The following MAP4K3 variants were observed in gnomAD, a reference collection of about 807,000 sequenced individuals.
The protein encoded by MAP4K3 is mitogen-activated protein kinase kinase kinase kinase 3.
In MAP4K3, 94 loss-of-function variants were observed where a neutral mutation model predicts 143.5. The observed-to-expected ratio is 0.65, with a 90% CI of 0.55 to 0.78. MAP4K3 has a LOEUF of 0.78. MAP4K3 is among the 30% of genes least tolerant of loss of function. The pLI is 0.00. For synonymous variants in MAP4K3, 416 were observed against 347.2 expected, an observed-to-expected ratio of 1.20 and a Z score of -2.20; for missense variants, 1,077 against 1,068.1, an observed-to-expected ratio of 1.01 and a Z score of -0.12.
At chr2:39,381,076 T>C (rs1666344765) in intron 1 of MAP4K3, among the ~76,000 whole-genome samples, 1 of 152,204 alleles carries the variant, frequency 6.6e-6, no homozygotes, top group South Asian at 2.1e-4. Flanking sequence ...TAACACATGG[T>C]CCTTTGTGAC....
intron 2 of MAP4K3, among the ~76,000 whole-genome samples, chr2:39,374,146 C>T (rs1427515215): frequency 6.6e-6 from 1 of 152,112 alleles, no homozygotes; most frequent in African/African-American, 2.4e-5. Context: ...CTTTGGGAGG[C>T]CCAGGCAGGC....
In MAP4K3 at chr2:39,288,206, G is replaced by C. The variant is rs1186646039; in HGVS notation, c.1389C>G (p.Pro463=). The change falls in exon 20 of 34, where the codon CCC becomes CCG. Residue 463 remains proline (P), a synonymous_variant. Transcript: ENST00000263881. ...DENQGTIKRC[P]MSGSPAKPSQ... Reference sequence around the variant, plus strand: ...ATGGCTTTGCTGGGCTCCCTGACATGGGACATCTCTTGATTGTTCCTTGAT... The same window carrying C: ...ATGGCTTTGCTGGGCTCCCTGACATCGGACATCTCTTGATTGTTCCTTGAT... 6.2e-7 allele frequency: 1 copy of C among 1,613,972 alleles called. No homozygotes were observed. The highest frequency in any genetic ancestry group is 2.2e-5 in the East Asian group (1 of 44,872).
chr2:39,314,671 G>A (rs1465297914), intron 13 of MAP4K3, among the ~76,000 whole-genome samples: 2 of 152,138 alleles, frequency 1.3e-5, no homozygotes, highest in African/African-American at 4.8e-5. Context: ...GATTCTTGTT[G>A]GCAGTTTATC....
intron 31 of MAP4K3, 69 bp from the exon 32 acceptor site, chr2:39,254,589 C>T: frequency 8.9e-7 from 1 of 1,118,594 alleles, no homozygotes; most frequent in Non-Finnish European, 1.3e-6. Flanking sequence ...TCATTTCATC[C>T]CTCTATCTCA....
chr2:39,284,230 C>T (rs1157282965), intron 21 of MAP4K3, among the ~76,000 whole-genome samples: 1 of 151,976 alleles, frequency 6.6e-6, no homozygotes, highest in Non-Finnish European at 1.5e-5. Flanking sequence ...GGCACGATAT[C>T]GGGTCACTGC....
intron 21 of MAP4K3, among the ~76,000 whole-genome samples, chr2:39,286,213 C>T (rs539232355): frequency 6.6e-6 from 1 of 152,324 alleles, no homozygotes; most frequent in East Asian, 1.9e-4. Flanking sequence ...GTGTAAGCAG[C>T]GTGCAACCTA....
At chr2:39,412,983 T>C (rs908580970) in intron 1 of MAP4K3, among the ~76,000 whole-genome samples, 1 of 152,228 alleles carries the variant, frequency 6.6e-6, no homozygotes, top group Admixed American at 6.5e-5. Flanking sequence ...AGATTTCTTG[T>C]ATTTTCTAAT....
chr2:39,408,722 A>T (rs972418306), intron 1 of MAP4K3, among the ~76,000 whole-genome samples: 1 of 151,968 alleles, frequency 6.6e-6, no homozygotes, highest in African/African-American at 2.4e-5. Flanking sequence ...GAGCTAACAG[A>T]TACCAAACCA....
At chr2:39,390,669 C>T (rs1011582042) in intron 1 of MAP4K3, among the ~76,000 whole-genome samples, 1 of 151,738 alleles carries the variant, frequency 6.6e-6, no homozygotes, top group African/African-American at 2.4e-5. Flanking sequence ...AATTCATGTA[C>T]GTATATCATT....
At position 39,392,403 on chromosome 2, in the gene MAP4K3, C is replaced by G. The variant is rs182874536; in HGVS notation, c.97-14280G>C. On this transcript the variant is annotated intron_variant, in intron 1 of 33. Coordinates refer to ENST00000263881, the MANE Select transcript of MAP4K3 (RefSeq NM_003618.4). ...AACATTTTCTGCTAACTCAATATTG[C>G]CTATTATATAAATTATCTATAAAGC... is the stretch of plus-strand genomic sequence containing the variant. Among the ~76,000 whole-genome samples, 49 of 152,050 alleles carry G rather than the reference C, an allele frequency of 3.2e-4. No homozygotes were observed. The East Asian group carries it at 7.1e-3, about 22-fold the overall frequency.
At chr2:39,309,837 A>C (rs1489817940) in intron 13 of MAP4K3, among the ~76,000 whole-genome samples, 2 of 151,956 alleles carry the variant, frequency 1.3e-5, no homozygotes, top group African/African-American at 2.4e-5. Flanking sequence ...AGATTACAGG[A>C]GTGAGCCACT....
intron 15 of MAP4K3, among the ~76,000 whole-genome samples, chr2:39,306,818 C>G (rs914760630): frequency 2.0e-5 from 3 of 152,210 alleles, no homozygotes; most frequent in African/African-American, 7.2e-5. Context: ...CTTAGTCCCT[C>G]CCAGAAGCCA....
chr2:39,258,220 C>T (rs1680424275), intron 31 of MAP4K3, 128 bp downstream of exon 31: 2 of 724,888 alleles, frequency 2.8e-6, no homozygotes. Flanking sequence ...GCATGAGCCA[C>T]CATGCCCAGC....
chr2:39,269,810 G>A (rs568700420), intron 26 of MAP4K3, among the ~76,000 whole-genome samples: 5 of 152,176 alleles, frequency 3.3e-5, no homozygotes, highest in Admixed American at 6.5e-5. Context: ...TTCTGATTAC[G>A]ATTTTCTGGT....
intron 12 of MAP4K3, 141 bp from the exon 13 acceptor site, chr2:39,315,529 TA>T (rs199541184): frequency 0.021 from 9,402 of 437,358 alleles, 73 homozygotes; most frequent in African/African-American, 0.037. Context: ...TTTTTTTTTT[TA>T]AAAAAGCAAA....
intron 1 of MAP4K3, among the ~76,000 whole-genome samples, chr2:39,417,046 G>A (rs1667401480): frequency 6.6e-6 from 1 of 152,112 alleles, no homozygotes; most frequent in Non-Finnish European, 1.5e-5. Flanking sequence ...AGTAAGTGGT[G>A]TATAATTATT....
chr2:39,418,203 A>C (rs1472104324), intron 1 of MAP4K3, among the ~76,000 whole-genome samples: 2 of 1,112 alleles, frequency 1.8e-3, no homozygotes, highest in Non-Finnish European at 0.036. Context: ...ACTCCGTCTC[A>C]AAAAAAAAAA....
chr2:39,254,569 C>T (rs572339607), intron 31 of MAP4K3, 49 bp from the exon 32 acceptor site: 1 of 1,394,744 alleles, frequency 7.2e-7, no homozygotes, highest in East Asian at 2.3e-5. Context: ...AAAAGTTCAA[C>T]TGATAAGCAT....
chr2:39,267,227 T>C lies in MAP4K3; in HGVS notation c.1994A>G (p.Lys665Arg). 5 of 1,614,070 alleles carry C rather than the reference T, an allele frequency of 3.1e-6. No homozygotes were observed. Among genetic ancestry groups the C allele is most frequent in the Non-Finnish European group, 4.2e-6 (5 of 1,179,962 alleles). ...ILPRKFSVSAKIPETKWCQKC... is the reference protein window; with the variant it reads ...ILPRKFSVSARIPETKWCQKC... ...CTGGCACCATTTGGTTTCAGGGATT[T>C]TTGCTGATACAGAAAATTTCCTAAA... is the stretch of plus-strand genomic sequence containing the variant. Residue 665 changes from lysine (K) to arginine (R), a missense_variant, in exon 27 of 34, where the codon AAA (lysine) becomes AGA (arginine). Lys to Arg is a conservative substitution (Grantham distance 26). Around this residue, in one of 2 missense-constraint regions of MAP4K3, gnomAD observed 864 missense variants for 801.2 expected, o/e 1.08. Transcript: ENST00000263881.
Sources: gnomAD v4.1 joint callset for allele counts (sites outside exome capture counted in the v4.1 genomes callset) on GRCh38, gnomAD v4.1.1 for gene constraint, gnomAD v4.1.1 regional missense constraint, MANE v1.5 for transcripts, NCBI Gene and HGNC (gene_info 2026-07-23, HGNC 2026-07-21) for gene names.